Variants in POLI observed in about 807,000 individuals in gnomAD.
POLI encodes the protein DNA polymerase iota, also known as RAD30 homolog B.
Under a neutral mutation model 51.6 loss-of-function variants are expected in POLI, and 58 were observed. That is an observed-to-expected ratio of 1.12 (90% CI 0.91 to 1.40). The LOEUF is 1.40. POLI is among the 40% of genes most tolerant of loss of function. The pLI is 0.00. For synonymous variants in POLI, 322 were observed against 299.7 expected (o/e 1.07, Z -0.77); for missense variants, 921 against 871.3 (o/e 1.06, Z -0.72).
At chr18:54,270,088 TCAGG>T in intron 1 of POLI, 1 of 967,992 alleles carries the variant, frequency 1.0e-6, no homozygotes, top group Non-Finnish European at 1.2e-6. Flanking sequence ...CTAGGCGGAG[TCAGG>T]TCCGCTGTGG....
chr18:54,291,229 T>A (rs2087996599), intron 8 of POLI: 1 of 152,284 alleles, frequency 6.6e-6, no homozygotes, highest in South Asian at 2.1e-4. Context: ...CACTGATCTG[T>A]CCTTCACCCG....
intron 3 of POLI, among the ~76,000 whole-genome samples, chr18:54,276,272 G>A (rs2087237363): frequency 6.6e-6 from 1 of 152,082 alleles, no homozygotes; most frequent in Non-Finnish European, 1.5e-5. Flanking sequence ...GAGGTAGGAG[G>A]ATTGCTTGGG....
chr18:54,306,243 C>G (rs773934665), intron 3 of POLI, among the ~76,000 whole-genome samples: 1 of 152,242 alleles, frequency 6.6e-6, no homozygotes, highest in East Asian at 1.9e-4. Context: ...TTTTGAGATA[C>G]GTGCCATCAA....
intron 3 of POLI, among the ~76,000 whole-genome samples, chr18:54,303,624 A>G (rs2088529732): frequency 6.6e-6 from 1 of 152,060 alleles, no homozygotes; most frequent in Non-Finnish European, 1.5e-5. Context: ...TCACTCCAGG[A>G]AATATTTGCA....
chr18:54,282,994 G>C lies in POLI; in HGVS notation c.954G>C (p.Val318=), dbSNP rs35830201. 7,877 of 1,607,712 alleles carry C rather than the reference G, an allele frequency of 4.9e-3. 33 individuals carry two copies. The highest frequency in any genetic ancestry group is 5.4e-3 in the Non-Finnish European group (6,370 of 1,175,528). The change falls in exon 6 of 10, where the codon GTG becomes GTC. Residue 318 remains valine (V), a synonymous_variant. Transcript: ENST00000579534. ...KLSFGEDNSP[V]ILSGPPQSFS... ...GTTTTGGAGAGGATAACTCCCCTGT[G>C]ATACTCTCAGGACCACCTCAGGTAC...
chr18:54,306,684 G>C (rs2088591519), intron 3 of POLI, among the ~76,000 whole-genome samples: 1 of 152,156 alleles, frequency 6.6e-6, no homozygotes, highest in Non-Finnish European at 1.5e-5. Flanking sequence ...GTAGAATTCG[G>C]CTGTGAATTC....
chr18:54,291,871 A>T lies in POLI; in HGVS notation c.1237A>T (p.Met413Leu). 1 of 1,604,686 alleles carries T rather than the reference A, an allele frequency of 6.2e-7. No individual in the cohort carries two copies. The highest frequency in any genetic ancestry group is 8.5e-7 in the Non-Finnish European group (1 of 1,172,234). The part of the protein sequence containing the change: ...DVMTPMVDIL[M>L]KLFRNMVNVK... ...GATGACCCCAATGGTTGATATACTT[A>T]TGAAACTTTTTCGAAATATGGTGAA... Residue 413 changes from methionine to leucine, a missense_variant, in exon 9 of 10, where the codon ATG (methionine) becomes TTG (leucine). Met to Leu is a conservative substitution (Grantham distance 15). Transcript: ENST00000579534.
In POLI at chr18:54,296,431, T is replaced by G; in HGVS notation, c.*1964T>G. ...GGATCTTTTTTCTCTGTTTTTAAGA[T>G]TATCTCTTTTTTCTTTGGTGCTTTG... On this transcript the variant is annotated 3_prime_UTR_variant, in exon 10 of 10. Coordinates refer to ENST00000579534, the MANE Select transcript of POLI (RefSeq NM_007195.3). 1 of 904,154 alleles carries G rather than the reference T, an allele frequency of 1.1e-6. No homozygotes were observed. The highest frequency in any genetic ancestry group is 1.3e-6 in the Non-Finnish European group (1 of 755,738). 56.0% of individuals were successfully genotyped at this position (904,154 alleles called of 1,614,324 possible).
At chr18:54,312,513 G>A (rs376337855) in intron 3 of POLI, among the ~76,000 whole-genome samples, 134 of 152,228 alleles carry the variant, frequency 8.8e-4, no homozygotes, top group African/African-American at 3.1e-3. Flanking sequence ...TGATTGTTCA[G>A]TTCTTTGAGG....
At position 54,269,668 on chromosome 18, in the gene POLI, C is replaced by T. The variant is rs1300150619; in HGVS notation, c.115+7C>T. On this transcript the variant is annotated splice_region_variant and intron_variant, in intron 1 of 9. Transcript: ENST00000579534. The stretch of plus-strand genomic sequence containing the variant: ...GCGGCAGCCAGCTCGCAGGGTGCGC[C>T]GCAGCCAGAGGAGCCAGCGGCCTCC... 2 of 1,502,132 alleles carry T rather than the reference C, an allele frequency of 1.3e-6. No homozygotes were observed. Among genetic ancestry groups the T allele is most frequent in the East Asian group, 5.7e-5 (2 of 35,334 alleles). The allele number at this position is 1,502,132 out of a possible 1,614,324, so 93.1% of individuals were successfully genotyped here. A position where few individuals can be genotyped will look rare whatever the true frequency, so the allele number is the denominator to read the frequency against.
At chr18:54,284,924 CTCT>C (rs1033439052) in intron 7 of POLI, among the ~76,000 whole-genome samples, 2 of 152,154 alleles carry the variant, frequency 1.3e-5, no homozygotes, top group Non-Finnish European at 2.9e-5. Flanking sequence ...TTTGTTTCTC[CTCT>C]TCTTGTTAGA....
intron 3 of POLI, among the ~76,000 whole-genome samples, chr18:54,315,540 T>C (rs957705435): frequency 6.6e-6 from 1 of 152,182 alleles, no homozygotes; most frequent in African/African-American, 2.4e-5. Flanking sequence ...CTTAATGTAC[T>C]GTCTAACACT....
At position 54,294,314 on chromosome 18, in the gene POLI, A is replaced by G; in HGVS notation, c.2070A>G (p.Thr690=). The change falls in exon 10 of 10, where the codon ACA becomes ACG. Residue 690 remains threonine, a synonymous_variant. Transcript: ENST00000579534. ...CAACAGACTCTCATGAAGGACTTACAGAAAATAGAGAGCCAGATTCTGTTG... is the reference window on the plus strand; with the variant it reads ...CAACAGACTCTCATGAAGGACTTACGGAAAATAGAGAGCCAGATTCTGTTG... ...TVATDSHEGL[T]ENREPDSVDE... The G allele has an allele frequency of 1.2e-6, 2 of 1,613,572 alleles. No individual in the cohort carries two copies. Among genetic ancestry groups the G allele is most frequent in the Non-Finnish European group, 1.7e-6 (2 of 1,179,566 alleles).
chr18:54,314,449 T>G (rs1270501921), intron 3 of POLI, among the ~76,000 whole-genome samples: 2 of 152,170 alleles, frequency 1.3e-5, no homozygotes, highest in African/African-American at 2.4e-5. Context: ...TTGTTGTGTC[T>G]TTGCCAGTTT....
chr18:54,289,073 C>A (rs3730787), intron 8 of POLI, among the ~76,000 whole-genome samples: 27,902 of 151,848 alleles, frequency 0.18, 2,751 homozygotes, highest in Middle Eastern at 0.25. Flanking sequence ...TCTGGATTTA[C>A]AATTTTTTCT....
chr18:54,286,959 G>A (rs2087773787), intron 7 of POLI, among the ~76,000 whole-genome samples: 1 of 151,728 alleles, frequency 6.6e-6, no homozygotes, highest in Non-Finnish European at 1.5e-5. Context: ...AAAAAAAATT[G>A]GTTGCTTTTA....
intron 9 of POLI, among the ~76,000 whole-genome samples, chr18:54,293,233 G>A (rs1289916821): frequency 6.6e-6 from 1 of 151,606 alleles, no homozygotes; most frequent in East Asian, 1.9e-4. Context: ...TTTGTTAAAA[G>A]TTACCCTTTA....
intron 3 of POLI, among the ~76,000 whole-genome samples, chr18:54,316,351 A>G (rs1310669223): frequency 6.6e-6 from 1 of 152,182 alleles, no homozygotes; most frequent in African/African-American, 2.4e-5. Context: ...ATAAAATCTC[A>G]TAAGCTTTTC....
chr18:54,295,092 G>T lies in POLI; in HGVS notation c.*625G>T, dbSNP rs2144606433. ...GGTTTGGCTAGGGCCAGGGTGGGGA[G>T]TTAAAGTGAGAGGAGGGTATATGTT... On this transcript the variant is annotated 3_prime_UTR_variant, in exon 10 of 10. Transcript: ENST00000579534. 1.0e-6 allele frequency: 1 copy of T among 985,472 alleles called. No individual in the cohort carries two copies. Among genetic ancestry groups the T allele is most frequent in the East Asian group, 1.1e-4 (1 of 8,816 alleles). 61.0% of individuals were successfully genotyped at this position (985,472 alleles called of 1,614,324 possible).
Sources: allele counts gnomAD v4.1 joint callset (sites outside exome capture counted in the v4.1 genomes callset), GRCh38; gene constraint gnomAD v4.1.1; transcripts MANE v1.5; gene names NCBI Gene and HGNC (gene_info 2026-07-23, HGNC 2026-07-21).